KCNN3: variants seen among roughly 807,000 people sequenced by gnomAD.
KCNN3 encodes potassium calcium-activated channel subfamily N member 3.
KCNN3 carries 16 observed loss-of-function variants against 62.9 expected under a neutral mutation model. That is an observed-to-expected ratio of 0.25 (90% CI 0.17 to 0.39). The LOEUF (loss-of-function observed/expected upper bound fraction) is 0.39, where lower values mean the gene tolerates loss of function less well. KCNN3 is among the 10% of genes least tolerant of loss of function. The probability of loss-of-function intolerance (pLI) is 1.00; values close to 1 mark genes in which losing one functional copy is unlikely to be tolerated. For synonymous variants in KCNN3, 370 were observed against 389.2 expected, an observed-to-expected ratio of 0.95 and a Z score of 0.58; for missense variants, 599 against 949.4, an observed-to-expected ratio of 0.63 and a Z score of 4.85.
At chr1:154,860,173 T>C (rs1417670369) in intron 1 of KCNN3, among the ~76,000 whole-genome samples, 1 of 152,180 alleles carries the variant, frequency 6.6e-6, no homozygotes. Flanking sequence ...GAAAGAATCT[T>C]TAGAATTCTA....
chr1:154,794,190 C>T lies in KCNN3; in HGVS notation c.1030-21797G>A, dbSNP rs191951653. ...TCCTCTGACTGGATCAATCTAGGCT[C>T]CTTGGAGTACTTACCACAGTTGTAA... On this transcript the variant is annotated intron_variant, in intron 2 of 7. Coordinates refer to ENST00000271915, the MANE Select transcript of KCNN3 (RefSeq NM_002249.6). Among the ~76,000 whole-genome samples the T allele has an allele frequency of 3.7e-3, 565 of 152,332 alleles. 1 individual carries two copies. The highest frequency in any genetic ancestry group is 6.2e-3 in the Non-Finnish European group (421 of 68,030).
At chr1:154,803,660 G>C (rs1405664542) in intron 2 of KCNN3, among the ~76,000 whole-genome samples, 1 of 152,218 alleles carries the variant, frequency 6.6e-6, no homozygotes, top group African/African-American at 2.4e-5. Context: ...GTTTGACCAA[G>C]AGGGAATGGG....
At position 154,816,394 on chromosome 1, in the gene KCNN3, T is replaced by C. The variant is rs1650664264; in HGVS notation, c.1029+5695A>G. Among the ~76,000 whole-genome samples, 3 of 152,242 alleles carry C rather than the reference T, an allele frequency of 2.0e-5. No individual in the cohort carries two copies. The South Asian group carries it at 6.2e-4, about 31-fold the overall frequency. On this transcript the variant is annotated intron_variant, in intron 2 of 7. Coordinates refer to ENST00000271915, the MANE Select transcript of KCNN3 (RefSeq NM_002249.6). Reference sequence around the variant, plus strand: ...CATTCTGGGACTGGATTATATGAACTCTGCCACTGCTCTGTATCCCATCCT... The same window carrying C: ...CATTCTGGGACTGGATTATATGAACCCTGCCACTGCTCTGTATCCCATCCT...
intron 1 of KCNN3, among the ~76,000 whole-genome samples, chr1:154,853,232 T>C (rs1652376545): frequency 6.6e-6 from 1 of 152,106 alleles, no homozygotes; most frequent in Admixed American, 6.5e-5. Context: ...CAAGCAAGCC[T>C]CTTGCCTTGG....
intron 3 of KCNN3, among the ~76,000 whole-genome samples, chr1:154,733,603 G>A (rs567765977): frequency 1.2e-4 from 19 of 152,290 alleles, no homozygotes; most frequent in Non-Finnish European, 2.4e-4. Flanking sequence ...GAAAGTTGAA[G>A]CATCTCAAAG....
chr1:154,714,944 C>A lies in KCNN3; in HGVS notation c.1761G>T (p.Lys587Asn). Residue 587 changes from lysine (K) to asparagine (N), a missense_variant, in exon 6 of 8, where the codon AAG becomes AAT. By Grantham distance (94) the Lys-to-Asn change is moderately conservative. Around this residue, in one of 7 missense-constraint regions of KCNN3, gnomAD observed 288 missense variants for 557.4 expected, o/e 0.52. Transcript: ENST00000271915. ...TGGCATGGTCAATCTTCTTTAGCAG[C>A]TTTGTGTGTTTATAGATTAACCATG... ...RETWLIYKHT[K>N]LLKKIDHAKV... 1 of 1,613,690 alleles carries A rather than the reference C, an allele frequency of 6.2e-7. No individual in the cohort carries two copies.
intron 1 of KCNN3, among the ~76,000 whole-genome samples, chr1:154,837,895 C>T (rs1651658057): frequency 6.6e-6 from 1 of 152,118 alleles, no homozygotes; most frequent in Admixed American, 6.5e-5. Context: ...CACAGCTGGG[C>T]CCAGCCAGGG....
At chr1:154,761,871 T>C (rs1435233058) in intron 3 of KCNN3, among the ~76,000 whole-genome samples, 5 of 150,822 alleles carry the variant, frequency 3.3e-5, no homozygotes, top group Non-Finnish European at 7.4e-5. Context: ...ACCCGGGAGG[T>C]GGTGGCTGCA....
chr1:154,869,840 G>GGCT lies in KCNN3; in HGVS notation c.122_124dup (p.Gln41dup), dbSNP rs753586364. On this transcript the variant is annotated inframe_insertion, in exon 1 of 8. Coordinates refer to ENST00000271915, the MANE Select transcript of KCNN3 (RefSeq NM_002249.6). The surrounding 1 kb of genome is among the most constrained non-coding windows in gnomAD (Gnocchi z 6.1). ...GGCTGCTGGTGGCGCTGGCGGTGGT[G>GGCT]GCTGCTGCTGCTGTTGCTGCTGCTG... is the stretch of plus-strand genomic sequence containing the variant. 2 of 1,571,638 alleles carry GGCT rather than the reference G, an allele frequency of 1.3e-6. No individual in the cohort carries two copies. The highest frequency in any genetic ancestry group is 1.2e-5 in the South Asian group (1 of 86,490).
At chr1:154,710,598 C>T (rs998709617) in intron 7 of KCNN3, among the ~76,000 whole-genome samples, 9 of 152,198 alleles carry the variant, frequency 5.9e-5, no homozygotes, top group Non-Finnish European at 1.0e-4. Flanking sequence ...CGGTCTGCTC[C>T]GTGGGCCCCA....
chr1:154,782,262 A>G (rs1432682199), intron 2 of KCNN3, among the ~76,000 whole-genome samples: 1 of 152,230 alleles, frequency 6.6e-6, no homozygotes, highest in Non-Finnish European at 1.5e-5. Context: ...CCACTTTCTG[A>G]AAACACACTG....
chr1:154,853,585 G>A (rs12044470), intron 1 of KCNN3, among the ~76,000 whole-genome samples: 71,568 of 152,006 alleles, frequency 0.47, 19,117 homozygotes, highest in East Asian at 0.96. Context: ...CTCCTGCCTC[G>A]GCCTCTCAAA....
rs147865077 is a variant in KCNN3 at position 154,746,781 on chromosome 1, G to A, written c.1449-13637C>T. 1.8e-4 allele frequency among the ~76,000 whole-genome samples: 28 copies of A among 152,256 alleles called. No individual in the cohort carries two copies. In the Middle Eastern group the frequency reaches 0.01, roughly 55 times the overall value. ...CTATCCCTTGGGGACATCAGTCTTT[G>A]TTTGCTTCAGGTTGATTTTGCTTAA... On this transcript the variant is annotated intron_variant, in intron 3 of 7. Transcript: ENST00000271915.
chr1:154,763,083 C>G (rs1477030269), intron 3 of KCNN3, among the ~76,000 whole-genome samples: 2 of 151,962 alleles, frequency 1.3e-5, no homozygotes, highest in Non-Finnish European at 2.9e-5. Context: ...GAGAAAGCCC[C>G]CTCAATGGTC....
At position 154,835,978 on chromosome 1, in the gene KCNN3, C is replaced by T. The variant is rs776541364; in HGVS notation, c.934-13794G>A. Among the ~76,000 whole-genome samples, 12 of 152,304 alleles carry T rather than the reference C, an allele frequency of 7.9e-5. 1 individual carries two copies. Among genetic ancestry groups the T allele is most frequent in the Middle Eastern group, 3.4e-3 (1 of 294 alleles). ...AGTGTGACCCTCTGGCATCAGTGGT[C>T]AGATAGCCCCATGGCCAGGCATGGG... On this transcript the variant is annotated intron_variant, in intron 1 of 7. Coordinates refer to ENST00000271915, the MANE Select transcript of KCNN3 (RefSeq NM_002249.6).
intron 2 of KCNN3, among the ~76,000 whole-genome samples, chr1:154,792,758 C>T (rs1557978831): frequency 6.6e-6 from 1 of 152,134 alleles, no homozygotes; most frequent in Non-Finnish European, 1.5e-5. Flanking sequence ...GGAGAGAATG[C>T]CCACCCCAGA....
At chr1:154,726,533 A>G (rs1435492406) in intron 4 of KCNN3, among the ~76,000 whole-genome samples, 2 of 152,190 alleles carry the variant, frequency 1.3e-5, no homozygotes, top group Non-Finnish European at 2.9e-5. Context: ...TCCTGAAAAT[A>G]ATCGAATGAA....
intron 2 of KCNN3, among the ~76,000 whole-genome samples, chr1:154,787,795 C>T (rs758449135): frequency 4.6e-5 from 7 of 152,352 alleles, no homozygotes; most frequent in Middle Eastern, 3.4e-3. Flanking sequence ...GATATCCAGA[C>T]GCCCAGAGTC....
At chr1:154,822,479 C>T (rs1383782280) in intron 1 of KCNN3, among the ~76,000 whole-genome samples, 8 of 152,224 alleles carry the variant, frequency 5.3e-5, no homozygotes, top group African/African-American at 9.7e-5. Flanking sequence ...TTGTTATACA[C>T]GGCTAGATTC....
Sources: allele counts gnomAD v4.1 joint callset (sites outside exome capture counted in the v4.1 genomes callset), GRCh38; gene constraint gnomAD v4.1.1; regional missense constraint gnomAD v4.1.1; non-coding constraint Gnocchi (gnomAD v3.1); transcripts MANE v1.5; gene names NCBI Gene and HGNC (gene_info 2026-07-23, HGNC 2026-07-21).